The following SSBP2 variants were observed in gnomAD, a reference collection of about 807,000 sequenced individuals.
SSBP2 encodes the protein single-stranded DNA-binding protein 2.
Under a neutral mutation model 61.8 loss-of-function variants are expected in SSBP2, and 17 were observed. The observed-to-expected ratio is 0.28, with a 90% CI of 0.19 to 0.41. SSBP2 has a LOEUF of 0.41. Among genes scored for constraint, SSBP2 ranks in the 10% least tolerant of loss-of-function variants. The pLI, the probability that SSBP2 is intolerant of heterozygous loss-of-function variation, is 1.00. For synonymous variants in SSBP2, 139 were observed against 141.3 expected (o/e 0.98, Z 0.12); for missense variants, 310 against 458.7 (o/e 0.68, Z 2.96).
chr5:81,646,382 A>G (rs574681389), intron 2 of SSBP2, among the ~76,000 whole-genome samples: 1 of 152,222 alleles, frequency 6.6e-6, no homozygotes, highest in East Asian at 1.9e-4. Context: ...AACCAACTCA[A>G]ATAAGTAAGT....
At chr5:81,422,016 G>A (rs1761644073) in intron 16 of SSBP2, among the ~76,000 whole-genome samples, 1 of 152,156 alleles carries the variant, frequency 6.6e-6, no homozygotes, top group Non-Finnish European at 1.5e-5. Flanking sequence ...AAATTAAAAT[G>A]TAAATGTGGA....
chr5:81,733,560 T>C (rs1386927875), intron 1 of SSBP2, among the ~76,000 whole-genome samples: 1 of 152,230 alleles, frequency 6.6e-6, no homozygotes, highest in East Asian at 1.9e-4. Context: ...TCTATCCAGA[T>C]TGGATTACTT....
At chr5:81,423,282 CAATTTAGGAACTGA>C (rs1284356099) in intron 16 of SSBP2, among the ~76,000 whole-genome samples, 3 of 152,118 alleles carry the variant, frequency 2.0e-5, no homozygotes, top group Admixed American at 2.0e-4. Flanking sequence ...GTAGCTAGTA[CAATTTAGGAACTGA>C]AATTTTAGTC....
At chr5:81,690,349 G>A (rs188356324) in intron 1 of SSBP2, among the ~76,000 whole-genome samples, 27 of 152,152 alleles carry the variant, frequency 1.8e-4, no homozygotes, top group East Asian at 7.7e-4. Flanking sequence ...GATCTGTTGC[G>A]TACAATAAAC....
intron 6 of SSBP2, among the ~76,000 whole-genome samples, chr5:81,481,945 T>C (rs1051194408): frequency 1.3e-5 from 2 of 151,918 alleles, no homozygotes; most frequent in East Asian, 1.9e-4. Context: ...AGATTTAGTA[T>C]AAAATTTTTT....
At chr5:81,539,993 T>G (rs1335246775) in intron 4 of SSBP2, among the ~76,000 whole-genome samples, 1 of 152,108 alleles carries the variant, frequency 6.6e-6, no homozygotes, top group Non-Finnish European at 1.5e-5. Context: ...ACATGCAGTG[T>G]TTGGTTTTCT....
At chr5:81,748,612 C>T (rs1425601799) in intron 1 of SSBP2, among the ~76,000 whole-genome samples, 1 of 152,208 alleles carries the variant, frequency 6.6e-6, no homozygotes, top group Non-Finnish European at 1.5e-5. Flanking sequence ...CAGTCATTGT[C>T]AATTCTCCAA....
At chr5:81,635,173 C>T (rs413472) in intron 3 of SSBP2, among the ~76,000 whole-genome samples, 98,466 of 151,536 alleles carry the variant, frequency 0.65, 32,567 homozygotes, top group East Asian at 0.93. Flanking sequence ...TACCATGTGG[C>T]AGAAATACAA....
chr5:81,648,247 A>G (rs1185571040), intron 2 of SSBP2, among the ~76,000 whole-genome samples: 1 of 152,150 alleles, frequency 6.6e-6, no homozygotes, highest in Non-Finnish European at 1.5e-5. Context: ...TGCGACTTAG[A>G]AAGGTCATTG....
At chr5:81,493,540 C>T (rs7719579) in intron 5 of SSBP2, among the ~76,000 whole-genome samples, 9 of 152,134 alleles carry the variant, frequency 5.9e-5, no homozygotes, top group Non-Finnish European at 1.0e-4. Flanking sequence ...CGGATCATGA[C>T]GTCAGCAGTT....
chr5:81,456,907 A>G (rs538506890), intron 10 of SSBP2, among the ~76,000 whole-genome samples: 3 of 152,356 alleles, frequency 2.0e-5, no homozygotes, highest in Non-Finnish European at 4.4e-5. Flanking sequence ...ATAAACATGG[A>G]AAGTAGAAAG....
chr5:81,473,544 C>T (rs1431662932), intron 8 of SSBP2, among the ~76,000 whole-genome samples, 156 bp downstream of exon 8: 1 of 152,166 alleles, frequency 6.6e-6, no homozygotes, highest in Non-Finnish European at 1.5e-5. Flanking sequence ...CCAGCTTCAT[C>T]CATGTGCCTG....
chr5:81,424,448 A>AATAC (rs1269186124), intron 16 of SSBP2, among the ~76,000 whole-genome samples: 1 of 152,012 alleles, frequency 6.6e-6, no homozygotes. Flanking sequence ...TAAATAAATA[A>AATAC]ATAAAAAGAA....
chr5:81,694,213 G>C (rs961026087), intron 1 of SSBP2, among the ~76,000 whole-genome samples: 3 of 152,188 alleles, frequency 2.0e-5, no homozygotes, highest in African/African-American at 7.2e-5. Context: ...AGGATGGTTA[G>C]TGGGTACAAA....
At chr5:81,516,708 A>G (rs543103761) in intron 4 of SSBP2, among the ~76,000 whole-genome samples, 3 of 152,208 alleles carry the variant, frequency 2.0e-5, no homozygotes, top group African/African-American at 7.2e-5. Flanking sequence ...CAGCATTGTA[A>G]AAGAGTATAT....
rs559635723 is a variant in SSBP2, at chr5:81,583,624, C to T, written c.282+31849G>A. On this transcript the variant is annotated intron_variant, in intron 4 of 16. Coordinates refer to ENST00000320672, the MANE Select transcript of SSBP2 (RefSeq NM_012446.5). ...CAGCCTGGGCGACAGAGCGAGACAC[C>T]GTCTCAAAAAAAAAAAAAAAAAAAG... Among the ~76,000 whole-genome samples the T allele has an allele frequency of 1.9e-3, 254 of 133,378 alleles. 1 individual carries two copies. The highest frequency in any genetic ancestry group is 6.6e-3 in the African/African-American group (231 of 35,186). The allele number at this position is 133,378 out of a possible 152,430, so 87.5% of individuals were successfully genotyped here. A position where few individuals can be genotyped will look rare whatever the true frequency, so the allele number is the denominator to read the frequency against.
At chr5:81,423,341 T>G (rs1761731298) in intron 16 of SSBP2, among the ~76,000 whole-genome samples, 1 of 152,236 alleles carries the variant, frequency 6.6e-6, no homozygotes, top group African/African-American at 2.4e-5. Context: ...AGCTAGATAA[T>G]CAATCATTCT....
At position 81,647,524 on chromosome 5, in the gene SSBP2, T is replaced by G. The variant is rs573824104; in HGVS notation, c.135+2743A>C. Among the ~76,000 whole-genome samples, 10 of 152,186 alleles carry G rather than the reference T, an allele frequency of 6.6e-5. No homozygotes were observed. In the East Asian group the frequency reaches 1.9e-3, roughly 29 times the overall value. On this transcript the variant is annotated intron_variant, in intron 2 of 16. Transcript: ENST00000320672. ...TCCCCTACATTGGTTATTTAGGTATTGATAATGCATTTTTACAGCACCATT... is the reference window on the plus strand; with the variant it reads ...TCCCCTACATTGGTTATTTAGGTATGGATAATGCATTTTTACAGCACCATT...
At chr5:81,526,498 G>A (rs1247352028) in intron 4 of SSBP2, among the ~76,000 whole-genome samples, 1 of 151,852 alleles carries the variant, frequency 6.6e-6, no homozygotes, top group Non-Finnish European at 1.5e-5. Flanking sequence ...TTGGTATAGT[G>A]TTATGAAATA....
Sources: allele counts gnomAD v4.1 joint callset (sites outside exome capture counted in the v4.1 genomes callset), GRCh38; gene constraint gnomAD v4.1.1; transcripts MANE v1.5; gene names NCBI Gene and HGNC (gene_info 2026-07-23, HGNC 2026-07-21).